RPP30: variants seen among roughly 807,000 people sequenced by gnomAD.
RPP30 encodes ribonuclease P/MRP subunit p30.
Under a neutral mutation model 38.6 loss-of-function variants are expected in RPP30, and 36 were observed. That is an observed-to-expected ratio of 0.93 (90% confidence interval 0.71 to 1.23). The LOEUF is 1.23. RPP30 is among the 50% of genes most tolerant of loss of function. The pLI is 0.00. For missense variants in RPP30, 321 were observed against 321.7 expected, an observed-to-expected ratio of 1.00 and a Z score of 0.02; for synonymous variants, 126 against 112.7, an observed-to-expected ratio of 1.12 and a Z score of -0.75.
At chr10:90,885,496 C>T (rs1846987500) in intron 5 of RPP30, among the ~76,000 whole-genome samples, 1 of 152,206 alleles carries the variant, frequency 6.6e-6, no homozygotes, top group Admixed American at 6.5e-5. Context: ...TCTGAAGTAA[C>T]CTTCCAGAAA....
At chr10:90,890,087 T>A (rs780397250) in intron 6 of RPP30, among the ~76,000 whole-genome samples, 2 of 152,218 alleles carry the variant, frequency 1.3e-5, no homozygotes, top group Non-Finnish European at 1.5e-5. Context: ...GAATCTTAGG[T>A]AGTTCATGGT....
At chr10:90,882,683 G>A (rs1846945887) in intron 5 of RPP30, among the ~76,000 whole-genome samples, 1 of 151,928 alleles carries the variant, frequency 6.6e-6, no homozygotes, top group African/African-American at 2.4e-5. Flanking sequence ...GTAAATGGAG[G>A]CTGGATCCAG....
At chr10:90,878,603 T>C (rs753895167) in intron 4 of RPP30, among the ~76,000 whole-genome samples, 6 of 152,074 alleles carry the variant, frequency 3.9e-5, no homozygotes, top group Non-Finnish European at 7.4e-5. Context: ...GAGACCCTTC[T>C]GCTTCAGGCC....
intron 1 of RPP30, among the ~76,000 whole-genome samples, chr10:90,873,960 C>T (rs1247663263): frequency 6.6e-6 from 1 of 152,090 alleles, no homozygotes; most frequent in Non-Finnish European, 1.5e-5. Flanking sequence ...GCCTTATTTG[C>T]CTTCGTTCTC....
chr10:90,873,678 A>G (rs1220812537), intron 1 of RPP30, among the ~76,000 whole-genome samples: 3 of 152,162 alleles, frequency 2.0e-5, no homozygotes, highest in Admixed American at 6.5e-5. Flanking sequence ...AGCCAAAAGG[A>G]TATCCTAAAT....
chr10:90,899,853 T>A lies in RPP30; in HGVS notation c.698-717T>A, dbSNP rs181554626. On this transcript the variant is annotated intron_variant, in intron 10 of 10. Coordinates refer to ENST00000371703, the MANE Select transcript of RPP30 (RefSeq NM_006413.5). Reference sequence around the variant, plus strand: ...GCATGTAGTATAGGGAAAAGCACTGTCTGTTAGGAATCTTAATACCCTCTG... The same window carrying A: ...GCATGTAGTATAGGGAAAAGCACTGACTGTTAGGAATCTTAATACCCTCTG... Among the ~76,000 whole-genome samples, 448 of 152,328 alleles carry A rather than the reference T, an allele frequency of 2.9e-3. 1 individual carries two copies. Among genetic ancestry groups the A allele is most frequent in the African/African-American group, 8.6e-3 (359 of 41,580 alleles).
At position 90,902,173 on chromosome 10, in the gene RPP30, T is replaced by TA. The variant is rs1430838786; in HGVS notation, c.*1501dup. Reference sequence around the variant, plus strand: ...ACAAATGTTTAAATAAAATATTGATTAAAAAAACATTAAAAGTGCATCATG... The same window carrying TA: ...ACAAATGTTTAAATAAAATATTGATTAAAAAAAACATTAAAAGTGCATCATG... On this transcript the variant is annotated 3_prime_UTR_variant, in exon 11 of 11. Transcript: ENST00000371703. 11 of 923,376 alleles carry TA rather than the reference T, an allele frequency of 1.2e-5. No homozygotes were observed. The highest frequency in any genetic ancestry group is 1.4e-5 in the Non-Finnish European group (11 of 769,058). 57.2% of individuals were successfully genotyped at this position (923,376 alleles called of 1,614,324 possible). A position where few individuals can be genotyped will look rare whatever the true frequency, so the allele number is the denominator to read the frequency against.
In RPP30 at chr10:90,908,274, C is replaced by T. The variant is rs557038211; in HGVS notation, n.354-9C>T. On this transcript the variant is annotated splice_polypyrimidine_tract_variant and intron_variant and non_coding_transcript_variant, in intron 4 of 4. Transcript: ENST00000470933. The stretch of plus-strand genomic sequence containing the variant: ...TCCTCATTATTCCTTTAATATTCAT[C>T]TCTTCCAGGAGGGCATGTCATGGAC... 7 of 152,282 alleles carry T rather than the reference C, an allele frequency of 4.6e-5. No individual in the cohort carries two copies. In the East Asian group the frequency reaches 1.2e-3, roughly 25 times the overall value. The allele number at this position is 152,282 out of a possible 1,614,324, so 9.4% of individuals were successfully genotyped here. A position where few individuals can be genotyped will look rare whatever the true frequency, so the allele number is the denominator to read the frequency against.
At chr10:90,872,531 G>C (rs975633845) in intron 1 of RPP30, among the ~76,000 whole-genome samples, 3 of 152,122 alleles carry the variant, frequency 2.0e-5, no homozygotes, top group African/African-American at 7.2e-5. Context: ...TCTAGACAGA[G>C]AGAGGGTAGG....
intron 5 of RPP30, among the ~76,000 whole-genome samples, chr10:90,879,696 T>G (rs1357840189): frequency 6.6e-6 from 1 of 152,226 alleles, no homozygotes; most frequent in Non-Finnish European, 1.5e-5. Context: ...GAATTTCTTT[T>G]GTACTTGTAA....
downstream of RPP30, chr10:90,906,121 A>G (rs545241246): frequency 6.6e-6 from 1 of 152,320 alleles, no homozygotes; most frequent in East Asian, 1.9e-4. Flanking sequence ...CATAATGAGT[A>G]TTGGGTGTTC....
intron 10 of RPP30, among the ~76,000 whole-genome samples, chr10:90,896,946 A>G (rs1042982424): frequency 2.4e-4 from 36 of 152,084 alleles, no homozygotes; most frequent in African/African-American, 8.7e-4. Flanking sequence ...ATAGAGACAG[A>G]GTCTCACTAT....
chr10:90,873,417 T>A (rs1312784401), intron 1 of RPP30, among the ~76,000 whole-genome samples: 2 of 152,196 alleles, frequency 1.3e-5, no homozygotes, highest in Non-Finnish European at 2.9e-5. Context: ...TGCTATTTGA[T>A]GAGTCTGGAA....
At chr10:90,903,107 G>A (rs1847221069), downstream of RPP30, 1 of 749,076 alleles carries the variant, frequency 1.3e-6, no homozygotes, top group Non-Finnish European at 2.4e-6. Flanking sequence ...TTAGATATGA[G>A]AAGGATAACA....
intron 5 of RPP30, among the ~76,000 whole-genome samples, chr10:90,880,817 A>C (rs1817008319): frequency 6.9e-6 from 1 of 143,942 alleles, no homozygotes; most frequent in Non-Finnish European, 1.5e-5. Context: ...CATAAAAGAC[A>C]CCTGTAGAAC....
intron 7 of RPP30, chr10:90,895,231 T>C (rs1847126303): frequency 4.0e-6 from 2 of 498,314 alleles, no homozygotes; most frequent in Non-Finnish European, 7.0e-6. Context: ...AATTCACCTT[T>C]ACTAAGATCT....
chr10:90,886,385 T>G (rs1018576505), intron 6 of RPP30, among the ~76,000 whole-genome samples: 2 of 152,204 alleles, frequency 1.3e-5, no homozygotes, highest in African/African-American at 4.8e-5. Context: ...CAGAGTTACT[T>G]TTATATGAAC....
At chr10:90,904,829 A>G (rs1472479695), downstream of RPP30, among the ~76,000 whole-genome samples, 1 of 152,038 alleles carries the variant, frequency 6.6e-6, no homozygotes, top group East Asian at 1.9e-4. Flanking sequence ...GAAAGTACCA[A>G]CTATTTTATT....
chr10:90,898,065 T>G (rs1175895307), intron 10 of RPP30, among the ~76,000 whole-genome samples: 1 of 152,168 alleles, frequency 6.6e-6, no homozygotes, highest in Non-Finnish European at 1.5e-5. Context: ...CATCTTCACC[T>G]CCCTCTCAGC....
Sources: gnomAD v4.1 joint callset for allele counts (sites outside exome capture counted in the v4.1 genomes callset) on GRCh38, gnomAD v4.1.1 for gene constraint, MANE v1.5 for transcripts, NCBI Gene and HGNC (gene_info 2026-07-23, HGNC 2026-07-21) for gene names.